The following PCDHGA6 variants were observed in gnomAD, a reference collection of about 807,000 sequenced individuals.
PCDHGA6 encodes protocadherin gamma subfamily A, 6.
PCDHGA6 carries 41 observed loss-of-function variants against 60.6 expected under a neutral mutation model. The ratio of observed to expected loss-of-function variants is 0.68; its 90% CI spans 0.53 to 0.88. The LOEUF (loss-of-function observed/expected upper bound fraction) is 0.88, where lower values mean the gene tolerates loss of function less well. Among genes scored for constraint, PCDHGA6 ranks in the 40% least tolerant of loss-of-function variants. PCDHGA6 has a pLI of 0.00. For missense variants in PCDHGA6, 1,312 were observed against 1,203.0 expected, an observed-to-expected ratio of 1.09 and a Z score of -1.34; for synonymous variants, 594 against 524.4, an observed-to-expected ratio of 1.13 and a Z score of -1.81.
At chr5:141,430,100 C>T (rs6874907) in intron 1 of PCDHGA6, among the ~76,000 whole-genome samples, 7,606 of 152,160 alleles carry the variant, frequency 0.05, 372 homozygotes, top group African/African-American at 0.13. Context: ...GATTTTTAAG[C>T]GTTACATGTC....
Position 141,375,022 on chromosome 5 carries a change from T to G in PCDHGA6, c.939T>G (p.Ser313Arg). The change falls in exon 1 of 4, where the codon AGT (serine) becomes AGG (arginine). Residue 313 changes from serine (S) to arginine (R), a missense_variant. Transcript: ENST00000517434. ...CAAATCTAGACTATGAGGACTCGAGTTTTTATGAGCTGGGTGTTGAAGCCC... is the reference window on the plus strand; with the variant it reads ...CAAATCTAGACTATGAGGACTCGAGGTTTTATGAGCTGGGTGTTGAAGCCC... ...TSANLDYEDSSFYELGVEARD... is the reference protein window; with the variant it reads ...TSANLDYEDSRFYELGVEARD... 1 of 1,613,828 alleles carries G rather than the reference T, an allele frequency of 6.2e-7. No individual in the cohort carries two copies. The highest frequency in any genetic ancestry group is 1.7e-5 in the Admixed American group (1 of 59,996).
At chr5:141,427,951 A>G in intron 1 of PCDHGA6, 1 of 1,586,612 alleles carries the variant, frequency 6.3e-7, no homozygotes, top group Non-Finnish European at 8.6e-7. Flanking sequence ...CTCAATGACA[A>G]TGTGCCGCGG....
chr5:141,511,215 A>G lies in PCDHGA6; in HGVS notation c.*42A>G, dbSNP rs1562250541. On this transcript the variant is annotated 3_prime_UTR_variant, in exon 4 of 4. Coordinates refer to ENST00000517434, the MANE Select transcript of PCDHGA6 (RefSeq NM_018919.3). ...AGAGCCACAGGGCGGCCTCTCCCCA[A>G]CCAGCCCAGCTTCTCCTTACCTGCA... The G allele has an allele frequency of 1.2e-6, 2 of 1,608,380 alleles. No individual in the cohort carries two copies. The highest frequency in any genetic ancestry group is 2.2e-5 in the East Asian group (1 of 44,560).
chr5:141,438,627 T>TAC (rs2098030812), intron 1 of PCDHGA6, among the ~76,000 whole-genome samples: 3 of 48,012 alleles, frequency 6.2e-5, no homozygotes, highest in Non-Finnish European at 1.0e-4. Flanking sequence ...TATATATATA[T>TAC]ATATATATAC....
At chr5:141,417,456 G>A (rs1354162154) in intron 1 of PCDHGA6, 1 of 177,626 alleles carries the variant, frequency 5.6e-6, no homozygotes, top group Non-Finnish European at 1.2e-5. Context: ...TTATGACCAA[G>A]TGGAAATATA....
At chr5:141,393,458 G>C in intron 1 of PCDHGA6, 1 of 1,614,020 alleles carries the variant, frequency 6.2e-7, no homozygotes, top group Non-Finnish European at 8.5e-7. Flanking sequence ...TCACGGCCTC[G>C]GATGGCGGCA....
chr5:141,376,197 T>G lies in PCDHGA6; in HGVS notation c.2114T>G (p.Leu705Arg). 6.2e-7 allele frequency: 1 copy of G among 1,614,174 alleles called. No homozygotes were observed. Among genetic ancestry groups the G allele is most frequent in the Non-Finnish European group, 8.5e-7 (1 of 1,180,030 alleles). Reference sequence around the variant, plus strand: ...GTGGCCGCGGTCTCCTGCGTCTTCCTGGCCTTCGTCATCGTGCTGCTGGCG... The same window carrying G: ...GTGGCCGCGGTCTCCTGCGTCTTCCGGGCCTTCGTCATCGTGCTGCTGGCG... ...VAVAAVSCVF[L>R]AFVIVLLALR... Residue 705 changes from leucine to arginine, a missense_variant, in exon 1 of 4, where the codon CTG (leucine) becomes CGG (arginine). By Grantham distance (102) the Leu-to-Arg change is moderately radical (BLOSUM62 -2). Transcript: ENST00000517434.
chr5:141,394,520 A>G, intron 1 of PCDHGA6: 4 of 1,614,190 alleles, frequency 2.5e-6, no homozygotes, highest in African/African-American at 1.3e-5. Context: ...CCCTCCCCAC[A>G]GACGGTTCCA....
At chr5:141,392,980 C>T (rs1327544903) in intron 1 of PCDHGA6, 1 of 1,613,716 alleles carries the variant, frequency 6.2e-7, no homozygotes, top group Non-Finnish European at 8.5e-7. Context: ...GGGCTGGACC[C>T]CCGGAAGCTG....
In PCDHGA6 at chr5:141,477,070, T is replaced by A; in HGVS notation, c.2425-17737T>A. 6.2e-7 allele frequency: 1 copy of A among 1,613,342 alleles called. No individual in the cohort carries two copies. The highest frequency in any genetic ancestry group is 8.5e-7 in the Non-Finnish European group (1 of 1,179,244). ...TGGACTTCGAGGACACCAAACTCCATGAGATTTACATCCAGGCCAAAGACA... is the reference window on the plus strand; with the variant it reads ...TGGACTTCGAGGACACCAAACTCCAAGAGATTTACATCCAGGCCAAAGACA... On this transcript the variant is annotated intron_variant, in intron 1 of 3. Coordinates refer to ENST00000517434, the MANE Select transcript of PCDHGA6 (RefSeq NM_018919.3). The surrounding 1 kb of genome is among the most constrained non-coding windows in gnomAD (Gnocchi z 4.9).
rs374229757 is a variant in PCDHGA6, at chr5:141,491,437, C to T, written c.2425-3370C>T. 4 of 1,613,978 alleles carry T rather than the reference C, an allele frequency of 2.5e-6. No homozygotes were observed. Among genetic ancestry groups the T allele is most frequent in the Admixed American group, 3.3e-5 (2 of 60,004 alleles). ...CGGGGGTGGAGGGCAGTGCTGCAGG[C>T]GCCAGGACTCACCCTCCCCGGACTT... On this transcript the variant is annotated intron_variant, in intron 1 of 3. Coordinates refer to ENST00000517434, the MANE Select transcript of PCDHGA6 (RefSeq NM_018919.3). This position sits in a 1 kb window ranked among gnomAD's most constrained non-coding sequence, Gnocchi z 6.9.
At chr5:141,456,175 A>G (rs2154565434) in intron 1 of PCDHGA6, among the ~76,000 whole-genome samples, 1 of 151,840 alleles carries the variant, frequency 6.6e-6, no homozygotes, top group East Asian at 1.9e-4. Context: ...GGGATTACAG[A>G]ATAATTTCTT....
chr5:141,461,323 T>C (rs2099013372), intron 1 of PCDHGA6, among the ~76,000 whole-genome samples: 1 of 152,176 alleles, frequency 6.6e-6, no homozygotes, highest in African/African-American at 2.4e-5. Context: ...TTTTTAATAA[T>C]GGCCATTCTT....
chr5:141,447,689 AG>A lies in PCDHGA6; in HGVS notation c.2425-47115del, dbSNP rs145694922. ...TTAGAACTGTTCCATATCTTGATAGAGGGATGGGTTATAAGGATGTACACAT... is the reference window on the plus strand; with the variant it reads ...TTAGAACTGTTCCATATCTTGATAGAGGATGGGTTATAAGGATGTACACAT... On this transcript the variant is annotated intron_variant, in intron 1 of 3. Coordinates refer to ENST00000517434, the MANE Select transcript of PCDHGA6 (RefSeq NM_018919.3). Among the ~76,000 whole-genome samples the A allele has an allele frequency of 4.6e-3, 694 of 152,302 alleles. 4 individuals are homozygous for A. The highest frequency in any genetic ancestry group is 0.015 in the African/African-American group (633 of 41,566).
At chr5:141,410,078 G>A (rs1258292051) in intron 1 of PCDHGA6, 1 of 1,612,820 alleles carries the variant, frequency 6.2e-7, no homozygotes, top group Non-Finnish European at 8.5e-7. Flanking sequence ...CACTGGGGAG[G>A]TGCGCACGGC....
At chr5:141,383,471 A>G in intron 1 of PCDHGA6, 1 of 1,613,632 alleles carries the variant, frequency 6.2e-7, no homozygotes, top group South Asian at 1.1e-5. Flanking sequence ...GAAACTAAGT[A>G]CCCGGAACTG....
chr5:141,509,067 C>T (rs987332283), intron 3 of PCDHGA6, among the ~76,000 whole-genome samples: 1 of 152,132 alleles, frequency 6.6e-6, no homozygotes, highest in African/African-American at 2.4e-5. Flanking sequence ...CTCTCAGCTC[C>T]GGGGATTTGC....
At chr5:141,425,918 CG>C (rs2096903264) in intron 1 of PCDHGA6, among the ~76,000 whole-genome samples, 1 of 152,200 alleles carries the variant, frequency 6.6e-6, no homozygotes, top group Admixed American at 6.5e-5. Context: ...ACAGTCACTA[CG>C]AAAACTCATA....
intron 1 of PCDHGA6, among the ~76,000 whole-genome samples, chr5:141,492,782 C>T (rs2099743868): frequency 6.6e-6 from 1 of 152,258 alleles, no homozygotes; most frequent in Non-Finnish European, 1.5e-5. Context: ...GAGTGAGCCT[C>T]TATAGGACAG....
Sources: gnomAD v4.1 joint callset for allele counts (sites outside exome capture counted in the v4.1 genomes callset) on GRCh38, gnomAD v4.1.1 for gene constraint, Gnocchi (gnomAD v3.1) non-coding constraint, MANE v1.5 for transcripts, NCBI Gene and HGNC (gene_info 2026-07-23, HGNC 2026-07-21) for gene names.